Variants in XRCC1 observed in about 807,000 individuals in gnomAD.
XRCC1 encodes DNA repair protein XRCC1.
A neutral mutation model predicts 83.3 loss-of-function variants in XRCC1; 52 were observed. That is an observed-to-expected ratio of 0.62 (90% CI 0.50 to 0.79). The LOEUF (loss-of-function observed/expected upper bound fraction) is 0.79, where lower values mean the gene tolerates loss of function less well. Among genes scored for constraint, XRCC1 ranks in the 30% least tolerant of loss-of-function variants. The probability of loss-of-function intolerance (pLI) is 0.00; values close to 1 mark genes in which losing one functional copy is unlikely to be tolerated. For missense variants in XRCC1, 793 were observed against 823.5 expected, an observed-to-expected ratio of 0.96 and a Z score of 0.45; for synonymous variants, 281 against 312.6, an observed-to-expected ratio of 0.90 and a Z score of 1.07.
rs749209158 is a variant in XRCC1 at position 43,574,945 on chromosome 19, T to C, written c.109A>G (p.Lys37Glu). The change falls in exon 2 of 17, where the codon AAG becomes GAG. Residue 37 changes from lysine (K) to glutamate (E), a missense_variant. Transcript: ENST00000262887. ...ADTYRKWRAA[K>E]AGEKTISVVL... ...ACAGAGATGGTCTTCTCGCCTGCCT[T>C]GGCTGCCCGCCATTTTCGGTAAGTG... 8 of 1,614,200 alleles carry C rather than the reference T, an allele frequency of 5.0e-6. No homozygotes were observed. In the Admixed American group the frequency reaches 1.3e-4, roughly 27 times the overall value.
rs2146048929 is a variant in XRCC1 at position 43,551,610 on chromosome 19, A to G, written c.1160T>C (p.Leu387Pro). The stretch of plus-strand genomic sequence containing the variant: ...CCGCCGACGCATGCGGTGACAGTCC[A>G]GCACCCACTCCTTACGCACGATGCG... Reference protein sequence around the residue: ...GGRIVRKEWVLDCHRMRRRLP... With the variant: ...GGRIVRKEWVPDCHRMRRRLP... Residue 387 changes from leucine (L) to proline (P), a missense_variant, in exon 10 of 17, where the codon CTG (leucine) becomes CCG (proline). Physicochemically the swap from Leu to Pro is moderately conservative, Grantham distance 98. Transcript: ENST00000262887. The G allele has an allele frequency of 6.2e-7, 1 of 1,614,216 alleles. No homozygotes were observed. Among genetic ancestry groups the G allele is most frequent in the Non-Finnish European group, 8.5e-7 (1 of 1,180,046 alleles).
chr19:43,543,417 A>T lies in XRCC1; in HGVS notation c.1877T>A (p.Leu626His), dbSNP rs1463601599. Residue 626 changes from leucine (L) to histidine (H), a missense_variant, in exon 17 of 17, where the codon CTC becomes CAC. Coordinates refer to ENST00000262887, the MANE Select transcript of XRCC1 (RefSeq NM_006297.3). ...TCAGGCTTGCGGCACCACCCCATAGAGCTGGTGAGGAAGTAACTTCTGCTT... is the reference window on the plus strand; with the variant it reads ...TCAGGCTTGCGGCACCACCCCATAGTGCTGGTGAGGAAGTAACTTCTGCTT... Reference protein sequence around the residue: ...NEKQKLLPHQLYGVVPQA With the variant: ...NEKQKLLPHQHYGVVPQA The T allele has an allele frequency of 1.2e-6, 2 of 1,611,092 alleles. No homozygotes were observed. The highest frequency in any genetic ancestry group is 1.7e-6 in the Non-Finnish European group (2 of 1,179,726).
chr19:43,544,019 C>T, intron 15 of XRCC1, 125 bp downstream of exon 15: 1 of 958,506 alleles, frequency 1.0e-6, no homozygotes, highest in South Asian at 1.6e-5. Flanking sequence ...TGCCCACCTG[C>T]TGGGCATGGC....
rs775378024 is a variant in XRCC1, at chr19:43,545,953, C to T, written c.1486G>A (p.Ala496Thr). The change falls in exon 14 of 17, where the codon GCA becomes ACA. Residue 496 changes from alanine to threonine, a missense_variant. Physicochemically the swap from Ala to Thr is moderately conservative, Grantham distance 58. Coordinates refer to ENST00000262887, the MANE Select transcript of XRCC1 (RefSeq NM_006297.3). ...GDTEDELRRV[A>T]EQKEHRLPPG... ...GGCAGTCTGTGTTCCTTCTGCTCTG[C>T]CACCCTGGGGGTGCCAAGAGGAGTA... is the stretch of plus-strand genomic sequence containing the variant. 3 of 1,613,712 alleles carry T rather than the reference C, an allele frequency of 1.9e-6. No individual in the cohort carries two copies. Among genetic ancestry groups the T allele is most frequent in the African/African-American group, 2.7e-5 (2 of 74,842 alleles).
chr19:43,564,515 G>A (rs766026414), intron 2 of XRCC1, among the ~76,000 whole-genome samples: 5 of 152,180 alleles, frequency 3.3e-5, no homozygotes, highest in Non-Finnish European at 4.4e-5. Context: ...TTGGCCAGGC[G>A]CAGTGGCTCA....
intron 10 of XRCC1, among the ~76,000 whole-genome samples, chr19:43,551,214 T>C (rs975132740): frequency 6.6e-6 from 1 of 152,206 alleles, no homozygotes; most frequent in Non-Finnish European, 1.5e-5. Context: ...GTGATCCACC[T>C]GCCTCAGCCT....
chr19:43,544,117 T>G, intron 15 of XRCC1, 27 bp downstream of exon 15: 1 of 1,579,146 alleles, frequency 6.3e-7, no homozygotes, highest in Non-Finnish European at 8.6e-7. Flanking sequence ...CATCACCCCT[T>G]CCCCACCCCA....
intron 3 of XRCC1, among the ~76,000 whole-genome samples, chr19:43,558,629 C>CAAATAAAT (rs200897711): frequency 1.9e-4 from 28 of 150,248 alleles, no homozygotes; most frequent in African/African-American, 6.4e-4. Flanking sequence ...ACCCCCATCT[C>CAAATAAAT]AAATAAATAA....
chr19:43,553,319 G>T, intron 6 of XRCC1, 82 bp downstream of exon 6: 1 of 1,493,818 alleles, frequency 6.7e-7, no homozygotes. Flanking sequence ...CCAGGAATCT[G>T]AGCCCCAGCC....
chr19:43,560,273 G>A (rs1474859905), intron 3 of XRCC1, among the ~76,000 whole-genome samples: 4 of 151,892 alleles, frequency 2.6e-5, no homozygotes, highest in Admixed American at 1.3e-4. Flanking sequence ...GTGGGCACCT[G>A]TAGTCCCAGC....
rs1972604001 is a variant in XRCC1 at position 43,553,486 on chromosome 19, C to T, written c.516G>A (p.Gln172=). 1.2e-6 allele frequency: 2 copies of T among 1,614,210 alleles called. No individual in the cohort carries two copies. The highest frequency in any genetic ancestry group is 1.7e-6 in the Non-Finnish European group (2 of 1,180,032). The change falls in exon 6 of 17, where the codon CAG becomes CAA. Residue 172 remains glutamine (Q), a synonymous_variant. Transcript: ENST00000262887. ...TCTCATCCTCCTCCTTCACACGGAA[C>T]TGGCCAAGCTTGGTCACTGTCACCT... ...SQKVTVTKLG[Q]FRVKEEDESA...
At chr19:43,551,369 G>A (rs1972572425) in intron 10 of XRCC1, among the ~76,000 whole-genome samples, 3 of 152,204 alleles carry the variant, frequency 2.0e-5, no homozygotes, top group South Asian at 4.1e-4. Context: ...AGGCTTCACA[G>A]AGCCCTCTGT....
intron 2 of XRCC1, among the ~76,000 whole-genome samples, chr19:43,567,806 G>A (rs1972767831): frequency 6.6e-6 from 1 of 151,976 alleles, no homozygotes; most frequent in Non-Finnish European, 1.5e-5. Flanking sequence ...AACAAACATG[G>A]CACAGGAAGG....
In XRCC1 at chr19:43,552,155, T is replaced by A. The variant is rs751373016; in HGVS notation, c.944A>T (p.Glu315Val). 1.4e-5 allele frequency: 22 copies of A among 1,613,770 alleles called. No individual in the cohort carries two copies. The Admixed American group carries it at 1.8e-4, about 13-fold the overall frequency. The part of the protein sequence containing the change: ...EPRRPRAGPE[E>V]LGKILQGVVV... ...CACACCCTGAAGGATCTTCCCCAGCTCCTCTGGGCCAGCTCGGGGTCGTCT... is the reference window on the plus strand; with the variant it reads ...CACACCCTGAAGGATCTTCCCCAGCACCTCTGGGCCAGCTCGGGGTCGTCT... The change falls in exon 9 of 17, where the codon GAG becomes GTG. Residue 315 changes from glutamate (E) to valine (V), a missense_variant. By Grantham distance (121) the Glu-to-Val change is moderately radical (BLOSUM62 -2). Coordinates refer to ENST00000262887, the MANE Select transcript of XRCC1 (RefSeq NM_006297.3).
chr19:43,573,406 A>C (rs1468328778), intron 2 of XRCC1, among the ~76,000 whole-genome samples: 1 of 152,168 alleles, frequency 6.6e-6, no homozygotes, highest in African/African-American at 2.4e-5. Context: ...ATGTGCTGAA[A>C]TTCCATTAAG....
At chr19:43,560,737 G>A (rs1027834420) in intron 3 of XRCC1, among the ~76,000 whole-genome samples, 173 bp downstream of exon 3, 3 of 152,268 alleles carry the variant, frequency 2.0e-5, no homozygotes, top group Non-Finnish European at 2.9e-5. Flanking sequence ...GCAGTTTACC[G>A]CCCTGTGTCT....
rs1972841626 is a variant in XRCC1, at chr19:43,575,019, G to C, written c.52-17C>G. 6.2e-7 allele frequency: 1 copy of C among 1,602,988 alleles called. No homozygotes were observed. The highest frequency in any genetic ancestry group is 1.3e-5 in the African/African-American group (1 of 74,706). Reference sequence around the variant, plus strand: ...ACAGTGAGTCTGGAAACAACAGTGGGAGAGGAGAATTAGGGCACAGAGATG... The same window carrying C: ...ACAGTGAGTCTGGAAACAACAGTGGCAGAGGAGAATTAGGGCACAGAGATG... On this transcript the variant is annotated splice_polypyrimidine_tract_variant and intron_variant, in intron 1 of 16. Coordinates refer to ENST00000262887, the MANE Select transcript of XRCC1 (RefSeq NM_006297.3).
intron 2 of XRCC1, among the ~76,000 whole-genome samples, chr19:43,562,983 G>A (rs1972715684): frequency 6.6e-6 from 1 of 152,208 alleles, no homozygotes; most frequent in African/African-American, 2.4e-5. Flanking sequence ...GCTGGTGGGT[G>A]GCAAAGCCGG....
intron 2 of XRCC1, among the ~76,000 whole-genome samples, chr19:43,569,205 G>A (rs1972783384): frequency 6.6e-6 from 1 of 152,088 alleles, no homozygotes; most frequent in Non-Finnish European, 1.5e-5. Flanking sequence ...AGGTGCAGTG[G>A]CTCATGTCTG....
Sources: gnomAD v4.1 joint callset for allele counts (sites outside exome capture counted in the v4.1 genomes callset) on GRCh38, gnomAD v4.1.1 for gene constraint, MANE v1.5 for transcripts, NCBI Gene and HGNC (gene_info 2026-07-23, HGNC 2026-07-21) for gene names.